Variants in SCFD2 observed in about 807,000 individuals in gnomAD.
The protein encoded by SCFD2 is sec1 family domain containing 2, also known as sec1 family domain-containing protein 2.
In SCFD2, 54 loss-of-function variants were observed where a neutral mutation model predicts 58.9. That is an observed-to-expected ratio of 0.92 (90% CI 0.74 to 1.15). The LOEUF (loss-of-function observed/expected upper bound fraction) is 1.15, where lower values mean the gene tolerates loss of function less well. Ranked by LOEUF, SCFD2 falls within the 50% of genes most tolerant of loss-of-function variation. The pLI is 0.00. For missense variants in SCFD2, 805 were observed against 836.6 expected (o/e 0.96, Z 0.47); for synonymous variants, 321 against 335.9 (o/e 0.96, Z 0.49).
intron 5 of SCFD2, among the ~76,000 whole-genome samples, chr4:52,938,794 A>G (rs868616679): frequency 1.3e-5 from 2 of 152,304 alleles, no homozygotes; most frequent in African/African-American, 4.8e-5. Context: ...ATAAGGTTTC[A>G]TTGTGTTTCA....
At position 53,054,318 on chromosome 4, in the gene SCFD2, C is replaced by T. The variant is rs549937438; in HGVS notation, c.1561+91015G>A. 2.6e-3 allele frequency among the ~76,000 whole-genome samples: 396 copies of T among 152,228 alleles called. 3 individuals carry two copies. The highest frequency in any genetic ancestry group is 4.4e-3 in the Non-Finnish European group (298 of 68,020). Reference sequence around the variant, plus strand: ...TTTTCATATGTCTTATAATTTATGACCAGAATTAGCATTCTGCATTTTAGT... The same window carrying T: ...TTTTCATATGTCTTATAATTTATGATCAGAATTAGCATTCTGCATTTTAGT... On this transcript the variant is annotated intron_variant, in intron 5 of 8. Coordinates refer to ENST00000401642, the MANE Select transcript of SCFD2 (RefSeq NM_152540.4).
intron 4 of SCFD2, among the ~76,000 whole-genome samples, chr4:53,212,480 A>AAATAAAT (rs1296162447): frequency 1.3e-5 from 2 of 150,408 alleles, no homozygotes; most frequent in Non-Finnish European, 2.9e-5. Context: ...AAAAATAAAT[A>AAATAAAT]AATAATAATA....
At chr4:53,100,256 T>C (rs1173503336) in intron 5 of SCFD2, among the ~76,000 whole-genome samples, 2 of 152,188 alleles carry the variant, frequency 1.3e-5, no homozygotes, top group Non-Finnish European at 2.9e-5. Flanking sequence ...ATCTGTTCAA[T>C]GTAGGATAAT....
intron 4 of SCFD2, among the ~76,000 whole-genome samples, chr4:53,152,845 G>T (rs543010840): frequency 1.3e-5 from 2 of 152,118 alleles, no homozygotes; most frequent in Non-Finnish European, 2.9e-5. Flanking sequence ...CAAAAGAACG[G>T]GGCAACAGAC....
At chr4:53,169,383 T>A (rs1727110776) in intron 4 of SCFD2, among the ~76,000 whole-genome samples, 1 of 151,946 alleles carries the variant, frequency 6.6e-6, no homozygotes, top group African/African-American at 2.4e-5. Context: ...AAATAAAAAA[T>A]AAAAAAAGAA....
At position 53,145,548 on chromosome 4, in the gene SCFD2, T is replaced by C. The variant is rs145483713; in HGVS notation, c.1346A>G (p.Asn449Ser). The change falls in exon 5 of 9, where the codon AAT (asparagine) becomes AGT (serine). Residue 449 changes from asparagine (N) to serine (S), a missense_variant. Transcript: ENST00000401642. ...AGGCTTAATCATGGGCAGCAGCTGATTTAACACAACGGACATTGCTGACTC... is the reference window on the plus strand; with the variant it reads ...AGGCTTAATCATGGGCAGCAGCTGACTTAACACAACGGACATTGCTGACTC... ...IGESAMSVVL[N>S]QLLPMIKPVT... is the part of the protein sequence containing the mutation. 5 of 1,614,034 alleles carry C rather than the reference T, an allele frequency of 3.1e-6. No individual in the cohort carries two copies. In the African/African-American group the frequency reaches 6.7e-5, roughly 22 times the overall value.
intron 5 of SCFD2, among the ~76,000 whole-genome samples, chr4:53,095,873 C>A (rs1461578849): frequency 6.6e-6 from 1 of 151,950 alleles, no homozygotes; most frequent in Admixed American, 6.6e-5. Flanking sequence ...CTCCCCCCAT[C>A]CCGACCCCAC....
chr4:53,070,914 T>A (rs1398214926), intron 5 of SCFD2, among the ~76,000 whole-genome samples: 1 of 152,138 alleles, frequency 6.6e-6, no homozygotes, highest in Non-Finnish European at 1.5e-5. Flanking sequence ...CTCTTCTTTC[T>A]TGCTTACTAA....
intron 5 of SCFD2, among the ~76,000 whole-genome samples, chr4:53,014,672 G>C (rs775992770): frequency 9.8e-5 from 15 of 152,300 alleles, no homozygotes; most frequent in Non-Finnish European, 1.6e-4. Flanking sequence ...GGGCTCCCCC[G>C]TGAGCTCCAG....
intron 5 of SCFD2, among the ~76,000 whole-genome samples, chr4:53,016,780 T>C (rs1331937060): frequency 6.6e-6 from 1 of 152,138 alleles, no homozygotes; most frequent in African/African-American, 2.4e-5. Context: ...TATGAATCTT[T>C]CAAGATTTCC....
chr4:53,104,029 G>C (rs771267789), intron 5 of SCFD2, among the ~76,000 whole-genome samples: 10 of 151,750 alleles, frequency 6.6e-5, no homozygotes, highest in Non-Finnish European at 1.2e-4. Context: ...AAACTATCTT[G>C]TGCAGAAGAA....
chr4:52,956,504 C>T (rs1328623736), intron 5 of SCFD2: 2 of 314,918 alleles, frequency 6.4e-6, no homozygotes, highest in East Asian at 1.7e-4. Flanking sequence ...CAGGCCCTTT[C>T]TGTCTCTTGT....
intron 5 of SCFD2, among the ~76,000 whole-genome samples, chr4:53,141,931 C>T (rs1408529618): frequency 3.3e-5 from 5 of 152,066 alleles, no homozygotes; most frequent in Non-Finnish European, 7.4e-5. Context: ...CCACCAACAC[C>T]GAGGGTTGAT....
At chr4:52,992,721 G>A (rs1389203417) in intron 5 of SCFD2, among the ~76,000 whole-genome samples, 1 of 151,958 alleles carries the variant, frequency 6.6e-6, no homozygotes, top group African/African-American at 2.4e-5. Context: ...CGGCCGCCCC[G>A]TCTGAGAAGT....
At chr4:53,279,692 C>T (rs1245561461) in intron 3 of SCFD2, among the ~76,000 whole-genome samples, 5 of 152,022 alleles carry the variant, frequency 3.3e-5, no homozygotes, top group Admixed American at 1.3e-4. Flanking sequence ...AAGAAATACC[C>T]GAGACTGGAC....
intron 3 of SCFD2, among the ~76,000 whole-genome samples, chr4:53,296,650 C>T (rs764659375): frequency 1.1e-4 from 17 of 151,948 alleles, no homozygotes; most frequent in African/African-American, 1.7e-4. Flanking sequence ...CAGTTCTGCT[C>T]GATCTTAGTT....
At chr4:53,175,111 G>A (rs1045926052) in intron 4 of SCFD2, among the ~76,000 whole-genome samples, 4 of 152,098 alleles carry the variant, frequency 2.6e-5, no homozygotes, top group African/African-American at 9.7e-5. Flanking sequence ...TTCCACAGGA[G>A]TCTGAATTGA....
intron 4 of SCFD2, among the ~76,000 whole-genome samples, chr4:53,189,680 C>T (rs1157634196): frequency 6.6e-6 from 1 of 152,134 alleles, no homozygotes; most frequent in Non-Finnish European, 1.5e-5. Flanking sequence ...CACATTGGAG[C>T]TTAGGGCTTC....
At chr4:53,087,517 G>A (rs1309830408) in intron 5 of SCFD2, among the ~76,000 whole-genome samples, 1 of 152,062 alleles carries the variant, frequency 6.6e-6, no homozygotes, top group Non-Finnish European at 1.5e-5. Flanking sequence ...ATTTTTAGTA[G>A]AGACAGGTTT....
Sources: allele counts gnomAD v4.1 joint callset (sites outside exome capture counted in the v4.1 genomes callset), GRCh38; gene constraint gnomAD v4.1.1; transcripts MANE v1.5; gene names NCBI Gene and HGNC (gene_info 2026-07-23, HGNC 2026-07-21).